Variants in AHCYL2 observed in about 807,000 individuals in gnomAD.
AHCYL2 encodes S-adenosylhomocysteine hydrolase-like protein 2.
A neutral mutation model predicts 81.4 loss-of-function variants in AHCYL2; 28 were observed. That is an observed-to-expected ratio of 0.34 (90% CI 0.25 to 0.47). The LOEUF (loss-of-function observed/expected upper bound fraction) is 0.47, where lower values mean the gene tolerates loss of function less well. AHCYL2 is among the 20% of genes least tolerant of loss of function. The pLI is 1.00. For synonymous variants in AHCYL2, 272 were observed against 290.2 expected (o/e 0.94, Z 0.64); for missense variants, 551 against 785.1 (o/e 0.70, Z 3.56).
chr7:129,370,418 C>T (rs142756780), intron 1 of AHCYL2, among the ~76,000 whole-genome samples: 2,341 of 148,678 alleles, frequency 0.016, 61 homozygotes, highest in African/African-American at 0.054. Flanking sequence ...AATTTGCAGC[C>T]GGGTGCGGTG....
Position 129,244,021 on chromosome 7 carries a change from C to G in AHCYL2, c.363+18582C>G, listed in dbSNP as rs79151002. The stretch of plus-strand genomic sequence containing the variant: ...TTTGTGCTTTTTTTTGGTGGGGGGA[C>G]AGTATCTTGCTGTGTTGCCCAGGGT... On this transcript the variant is annotated intron_variant, in intron 1 of 16. Coordinates refer to ENST00000325006, the MANE Select transcript of AHCYL2 (RefSeq NM_015328.4). Among the ~76,000 whole-genome samples, 126 of 150,848 alleles carry G rather than the reference C, an allele frequency of 8.4e-4. 1 individual carries two copies. The East Asian group carries it at 0.024, about 28-fold the overall frequency.
At chr7:129,366,489 T>G (rs937168579) in intron 1 of AHCYL2, among the ~76,000 whole-genome samples, 2 of 152,140 alleles carry the variant, frequency 1.3e-5, no homozygotes, top group Non-Finnish European at 2.9e-5. Context: ...AGAAAGTATT[T>G]TGCCAAGGTT....
intron 12 of AHCYL2, among the ~76,000 whole-genome samples, chr7:129,422,377 C>T (rs1013807315): frequency 6.6e-6 from 1 of 152,240 alleles, no homozygotes; most frequent in African/African-American, 2.4e-5. Context: ...ACTAAACCCA[C>T]TCAGCTATGT....
chr7:129,362,030 A>G (rs531557943), intron 1 of AHCYL2, among the ~76,000 whole-genome samples: 2 of 152,314 alleles, frequency 1.3e-5, no homozygotes, highest in Non-Finnish European at 2.9e-5. Context: ...AAGAAGCGAG[A>G]TTCAAACCAG....
intron 12 of AHCYL2, among the ~76,000 whole-genome samples, chr7:129,414,996 T>C (rs921274179): frequency 6.6e-6 from 1 of 152,176 alleles, no homozygotes; most frequent in South Asian, 2.1e-4. Flanking sequence ...TTATTAAAAA[T>C]AGCTGGCAGA....
chr7:129,355,173 C>T (rs1793694766), intron 1 of AHCYL2, among the ~76,000 whole-genome samples: 2 of 152,090 alleles, frequency 1.3e-5, no homozygotes, highest in Admixed American at 6.5e-5. Context: ...ACTGTAAACA[C>T]GTGTCCTGTT....
intron 1 of AHCYL2, among the ~76,000 whole-genome samples, chr7:129,299,533 A>G (rs1283474999): frequency 6.6e-6 from 1 of 151,534 alleles, no homozygotes; most frequent in Non-Finnish European, 1.5e-5. Flanking sequence ...AGGTGGGACT[A>G]CAGGCACCCG....
intron 2 of AHCYL2, among the ~76,000 whole-genome samples, chr7:129,386,899 C>T: frequency 6.6e-6 from 1 of 152,264 alleles, no homozygotes; most frequent in East Asian, 1.9e-4. Flanking sequence ...ATTCTTTTCC[C>T]ATTCAAAATC....
chr7:129,256,544 C>A (rs1455764493), intron 1 of AHCYL2, among the ~76,000 whole-genome samples: 17 of 24,670 alleles, frequency 6.9e-4, no homozygotes, highest in African/African-American at 1.3e-3. Context: ...CGCCCCCCAC[C>A]CCCCACCCCC....
intron 11 of AHCYL2, 101 bp from the exon 12 acceptor site, chr7:129,413,493 T>A (rs1481740036): frequency 4.1e-6 from 4 of 975,356 alleles, no homozygotes; most frequent in Non-Finnish European, 6.4e-6. Flanking sequence ...AAGAATTCCT[T>A]ATAACAAGTC....
intron 1 of AHCYL2, among the ~76,000 whole-genome samples, chr7:129,316,009 G>T (rs750939096): frequency 1.3e-5 from 2 of 152,214 alleles, no homozygotes; most frequent in Non-Finnish European, 2.9e-5. Context: ...CAGAGGGCCA[G>T]AGAGACTTGA....
At chr7:129,382,931 C>G (rs2150892519) in intron 2 of AHCYL2, among the ~76,000 whole-genome samples, 1 of 152,230 alleles carries the variant, frequency 6.6e-6, no homozygotes, top group South Asian at 2.1e-4. Context: ...ATTTAAATGA[C>G]TATAGAAATT....
intron 5 of AHCYL2, among the ~76,000 whole-genome samples, chr7:129,398,362 A>T (rs887290505): frequency 3.7e-5 from 5 of 135,390 alleles, no homozygotes; most frequent in Admixed American, 7.9e-5. Context: ...TTTATTTTTT[A>T]TTTTTATTTT....
chr7:129,276,359 A>C (rs1393046681), intron 1 of AHCYL2, among the ~76,000 whole-genome samples: 1 of 152,054 alleles, frequency 6.6e-6, no homozygotes, highest in Non-Finnish European at 1.5e-5. Flanking sequence ...ATTATTTATT[A>C]GTCTTAGTAT....
At chr7:129,345,696 GAA>G (rs1043033990) in intron 1 of AHCYL2, among the ~76,000 whole-genome samples, 7 of 152,160 alleles carry the variant, frequency 4.6e-5, no homozygotes, top group South Asian at 2.1e-4. Context: ...ATGAAACTGG[GAA>G]AGAGTTCATG....
intron 1 of AHCYL2, among the ~76,000 whole-genome samples, chr7:129,294,275 C>A (rs1213341165): frequency 6.6e-6 from 1 of 152,092 alleles, no homozygotes; most frequent in Non-Finnish European, 1.5e-5. Context: ...GCCAAAAAAT[C>A]CCACATGTCT....
At chr7:129,234,911 C>T (rs186708816) in intron 1 of AHCYL2, among the ~76,000 whole-genome samples, 73 of 152,310 alleles carry the variant, frequency 4.8e-4, no homozygotes, top group African/African-American at 1.5e-3. Flanking sequence ...GTCCTTTGAC[C>T]TGCATATTTT....
chr7:129,229,800 A>G (rs567165539), intron 1 of AHCYL2, among the ~76,000 whole-genome samples: 31 of 152,366 alleles, frequency 2.0e-4, no homozygotes, highest in Non-Finnish European at 3.7e-4. Context: ...CATCTTATAC[A>G]GAAAAGCATT....
intron 1 of AHCYL2, among the ~76,000 whole-genome samples, chr7:129,254,922 G>A (rs1053802280): frequency 6.6e-6 from 1 of 152,128 alleles, no homozygotes; most frequent in Non-Finnish European, 1.5e-5. Flanking sequence ...CAGAAATGTG[G>A]TAGGATTTCT....
Sources: gnomAD v4.1 joint callset for allele counts (sites outside exome capture counted in the v4.1 genomes callset) on GRCh38, gnomAD v4.1.1 for gene constraint, MANE v1.5 for transcripts, NCBI Gene and HGNC (gene_info 2026-07-23, HGNC 2026-07-21) for gene names.